Variants in RC3H2 observed in about 807,000 individuals in gnomAD.
RC3H2 encodes the protein roquin-2.
In RC3H2, 31 loss-of-function variants were observed where a neutral mutation model predicts 133.3. The ratio of observed to expected loss-of-function variants is 0.23; its 90% CI spans 0.17 to 0.31. RC3H2 has a LOEUF of 0.31. RC3H2 is among the 10% of genes least tolerant of loss of function. The pLI, the probability that RC3H2 is intolerant of heterozygous loss-of-function variation, is 1.00. For missense variants in RC3H2, 1,175 were observed against 1,437.2 expected (o/e 0.82, Z 2.95); for synonymous variants, 517 against 502.2 (o/e 1.03, Z -0.40).
chr9:122,877,348 G>T, intron 9 of RC3H2, 123 bp downstream of exon 9: 1 of 730,126 alleles, frequency 1.4e-6, no homozygotes, highest in Non-Finnish European at 2.3e-6. Context: ...CTACAGGCAT[G>T]AGCTATGGTG....
intron 10 of RC3H2, 132 bp downstream of exon 10, chr9:122,865,217 G>GT: frequency 1.2e-6 from 1 of 836,900 alleles, no homozygotes; most frequent in Non-Finnish European, 1.8e-6. Flanking sequence ...AGTATTTAGT[G>GT]TTTCTTCTAC....
intron 15 of RC3H2, 141 bp from the exon 16 acceptor site, chr9:122,854,756 A>G (rs1031964812): frequency 4.6e-6 from 3 of 656,266 alleles, no homozygotes; most frequent in African/African-American, 1.8e-5. Context: ...TGAGTTTCCC[A>G]TGGTTGTTAA....
At chr9:122,893,814 G>C (rs911048096) in intron 2 of RC3H2, among the ~76,000 whole-genome samples, 25 of 152,184 alleles carry the variant, frequency 1.6e-4, no homozygotes, top group Admixed American at 5.2e-4. Flanking sequence ...TATTAAGACA[G>C]AGTGTTCTCA....
rs534495083 is a variant in RC3H2, at chr9:122,897,560, G to A, written c.-51C>T. The A allele has an allele frequency of 6.4e-7, 1 of 1,564,682 alleles. No individual in the cohort carries two copies. The highest frequency in any genetic ancestry group is 1.2e-5 in the South Asian group (1 of 86,214). On this transcript the variant is annotated 5_prime_UTR_variant, in exon 2 of 21. Transcript: ENST00000357244. The stretch of plus-strand genomic sequence containing the variant: ...CAGTCTAGCAGATCATTATTTTGCT[G>A]TGTAGTGTTTTGTAAGCTAGAAATG...
At chr9:122,900,822 A>C (rs960104006) in intron 1 of RC3H2, among the ~76,000 whole-genome samples, 1 of 152,202 alleles carries the variant, frequency 6.6e-6, no homozygotes, top group Admixed American at 6.5e-5. Flanking sequence ...GTATTAACTA[A>C]TTTTAGTTAC....
At chr9:122,860,524 C>T (rs1051525645) in intron 10 of RC3H2, among the ~76,000 whole-genome samples, 1 of 151,352 alleles carries the variant, frequency 6.6e-6, no homozygotes, top group Admixed American at 6.6e-5. Context: ...AGCAATCCTC[C>T]CACCTCAGCC....
intron 2 of RC3H2, among the ~76,000 whole-genome samples, chr9:122,895,906 T>G (rs563659980): frequency 2.0e-5 from 3 of 152,268 alleles, no homozygotes; most frequent in Admixed American, 2.0e-4. Flanking sequence ...AGACCCTCAT[T>G]AAATATGTTA....
At chr9:122,885,034 T>C (rs896521360) in intron 4 of RC3H2, among the ~76,000 whole-genome samples, 8 of 152,074 alleles carry the variant, frequency 5.3e-5, no homozygotes, top group African/African-American at 9.7e-5. Flanking sequence ...ATAAATACTA[T>C]AAAAGATATT....
At chr9:122,902,365 C>T (rs1454015998) in intron 1 of RC3H2, among the ~76,000 whole-genome samples, 1 of 152,194 alleles carries the variant, frequency 6.6e-6, no homozygotes, top group Admixed American at 6.5e-5. Context: ...AAGTCCTTAG[C>T]TCTTTAATTA....
In RC3H2 at chr9:122,883,283, A is replaced by G; in HGVS notation, c.680T>C (p.Leu227Pro). Residue 227 changes from leucine to proline, a missense_variant, in exon 5 of 21, where the codon CTA becomes CCA. Transcript: ENST00000357244. Reference protein sequence around the residue: ...KVLVLFVVQRLEPRFPQASKT... With the variant: ...KVLVLFVVQRPEPRFPQASKT... ...TGATGCCTGAGGAAATCTTGGTTCT[A>G]GTCTCTGCACAACAAAAAGTACCAG... 1 of 1,613,874 alleles carries G rather than the reference A, an allele frequency of 6.2e-7. No individual in the cohort carries two copies. The highest frequency in any genetic ancestry group is 8.5e-7 in the Non-Finnish European group (1 of 1,179,914).
intron 9 of RC3H2, among the ~76,000 whole-genome samples, chr9:122,873,259 C>T (rs1333833847): frequency 1.3e-5 from 2 of 152,184 alleles, no homozygotes; most frequent in Non-Finnish European, 2.9e-5. Context: ...GTCACATCAC[C>T]TACTTTTCTA....
intron 1 of RC3H2, among the ~76,000 whole-genome samples, chr9:122,901,429 T>C (rs1190690135): frequency 1.3e-5 from 2 of 152,112 alleles, no homozygotes; most frequent in East Asian, 1.9e-4. Flanking sequence ...AACTCAGTAC[T>C]GGAGAAAAAG....
Position 122,846,627 on chromosome 9 carries a change from G to C in RC3H2, c.*3000C>G, listed in dbSNP as rs1275765608. 1.3e-5 allele frequency: 2 copies of C among 152,132 alleles called. No individual in the cohort carries two copies. Among genetic ancestry groups the C allele is most frequent in the African/African-American group, 4.8e-5 (2 of 41,420 alleles). The allele number at this position is 152,132 out of a possible 1,614,324, so 9.4% of individuals were successfully genotyped here. A position where few individuals can be genotyped will look rare whatever the true frequency, so the allele number is the denominator to read the frequency against. ...GAAAGAAAATAACCACCACTTTCCT[G>C]CTTTCCAGACCTCAGACTATTTTTT... On this transcript the variant is annotated 3_prime_UTR_variant, in exon 21 of 21. Transcript: ENST00000357244.
Position 122,846,982 on chromosome 9 carries a change from G to C in RC3H2, c.*2645C>G, listed in dbSNP as rs771406580. On this transcript the variant is annotated 3_prime_UTR_variant, in exon 21 of 21. Transcript: ENST00000357244. ...CTACATAGAGAATGGATGCAACACA[G>C]AATAATCTCAACACAGAAACAATTC... The C allele has an allele frequency of 5.9e-5, 9 of 152,080 alleles. No homozygotes were observed. Among genetic ancestry groups the C allele is most frequent in the Non-Finnish European group, 1.2e-4 (8 of 67,960 alleles). 9.4% of individuals were successfully genotyped at this position (152,080 alleles called of 1,614,324 possible).
intron 18 of RC3H2, among the ~76,000 whole-genome samples, chr9:122,853,393 A>G (rs549149335): frequency 5.2e-4 from 78 of 151,388 alleles, no homozygotes; most frequent in Non-Finnish European, 6.8e-4. Flanking sequence ...AAAAAAAAAA[A>G]AAAAGAAAAA....
chr9:122,867,892 TGGGGGGGTC>T (rs1830788458), intron 9 of RC3H2, among the ~76,000 whole-genome samples: 1 of 44,262 alleles, frequency 2.3e-5, no homozygotes, highest in Admixed American at 2.0e-4. Context: ...GGGAGGGAGG[TGGGGGGGTC>T]AGCCCCCCGC....
intron 10 of RC3H2, among the ~76,000 whole-genome samples, chr9:122,863,549 C>T (rs1830533910): frequency 6.6e-6 from 1 of 152,058 alleles, no homozygotes; most frequent in African/African-American, 2.4e-5. Context: ...TCCTTTAATC[C>T]AACTTCAGTA....
At chr9:122,862,178 G>A (rs551711358) in intron 10 of RC3H2, among the ~76,000 whole-genome samples, 1 of 152,080 alleles carries the variant, frequency 6.6e-6, no homozygotes, top group East Asian at 1.9e-4. Context: ...AATCATGCAA[G>A]CTATCTCAAA....
intron 4 of RC3H2, among the ~76,000 whole-genome samples, chr9:122,884,574 T>C (rs148153618): frequency 5.3e-5 from 8 of 152,184 alleles, no homozygotes; most frequent in African/African-American, 1.9e-4. Flanking sequence ...ATTCTGAGAC[T>C]GGGCACGCTG....
Sources: allele counts gnomAD v4.1 joint callset (sites outside exome capture counted in the v4.1 genomes callset), GRCh38; gene constraint gnomAD v4.1.1; transcripts MANE v1.5; gene names NCBI Gene and HGNC (gene_info 2026-07-23, HGNC 2026-07-21).